Variants in APH1A observed in about 807,000 individuals in gnomAD.
APH1A encodes the protein aph-1A gamma-secretase subunit, also known as gamma-secretase subunit APH-1A.
A neutral mutation model predicts 30.3 loss-of-function variants in APH1A; 16 were observed. That is an observed-to-expected ratio of 0.53 (90% confidence interval 0.36 to 0.80). APH1A has a LOEUF of 0.80. APH1A is among the 30% of genes least tolerant of loss of function. The pLI, the probability that APH1A is intolerant of heterozygous loss-of-function variation, is 0.01. For synonymous variants in APH1A, 144 were observed against 140.1 expected (o/e 1.03, Z -0.20); for missense variants, 245 against 337.8 (o/e 0.73, Z 2.15).
chr1:150,266,793 T>C (rs1238419871), intron 5 of APH1A, 137 bp from the exon 6 acceptor site: 11 of 1,182,868 alleles, frequency 9.3e-6, no homozygotes, highest in African/African-American at 4.6e-5. Flanking sequence ...CAACATCTTG[T>C]GGTTAAGGGG....
intron 3 of APH1A, 102 bp downstream of exon 3, chr1:150,267,614 G>A (rs1651841446): frequency 6.4e-7 from 1 of 1,572,698 alleles, no homozygotes; most frequent in East Asian, 2.3e-5. Context: ...AGTGACGGAT[G>A]AAGGAAAGTA....
Position 150,267,175 on chromosome 1 carries a change from A to T in APH1A, c.509T>A (p.Leu170His). Residue 170 changes from leucine to histidine, a missense_variant, in exon 5 of 7, where the codon CTC (leucine) becomes CAC (histidine). Coordinates refer to ENST00000369109, the MANE Select transcript of APH1A (RefSeq NM_001077628.3). ...GAACACAACTCCCCAAAAGGTATGG[A>T]GCAGGATAATGGCTGCTGTCAGAAA... is the stretch of plus-strand genomic sequence containing the variant. The part of the protein sequence containing the change: ...SAFLTAAIIL[L>H]HTFWGVVFFD... 1 of 1,614,198 alleles carries T rather than the reference A, an allele frequency of 6.2e-7. No individual in the cohort carries two copies. The highest frequency in any genetic ancestry group is 8.5e-7 in the Non-Finnish European group (1 of 1,180,044).
In APH1A at chr1:150,266,134, T is replaced by C. The variant is rs1553849757; in HGVS notation, c.794A>G (p.Asp265Gly). The C allele has an allele frequency of 6.3e-7, 1 of 1,596,806 alleles. No homozygotes were observed. Among genetic ancestry groups the C allele is most frequent in the East Asian group, 2.3e-5 (1 of 44,052 alleles). Reference sequence around the variant, plus strand: ...AGGGGTCCCCCCTAGGTTCCCTCAGTCCTCGGGTGGGATGCGCAGGGCAGA... The same window carrying C: ...AGGGGTCCCCCCTAGGTTCCCTCAGCCCTCGGGTGGGATGCGCAGGGCAGA... ...VYSALRIPPE[D>G] The change falls in exon 7 of 7, where the codon GAC becomes GGC. Residue 265 changes from aspartate (D) to glycine (G), a missense_variant. Physicochemically the swap from Asp to Gly is moderately conservative, Grantham distance 94. Transcript: ENST00000369109.
chr1:150,268,988 G>A lies in APH1A; in HGVS notation c.-178C>T, dbSNP rs200984615. On this transcript the variant is annotated 5_prime_UTR_variant, in exon 1 of 7. Transcript: ENST00000369109. ...GAACCGAAACCCCAAATGAAGGTCC[G>A]CGCCACTTCCTCTACGGAAGCCGAA... 5 of 570,052 alleles carry A rather than the reference G, an allele frequency of 8.8e-6. No individual in the cohort carries two copies. Among genetic ancestry groups the A allele is most frequent in the East Asian group, 5.9e-5 (2 of 33,732 alleles). 35.3% of individuals were successfully genotyped at this position (570,052 alleles called of 1,614,324 possible). A position where few individuals can be genotyped will look rare whatever the true frequency, so the allele number is the denominator to read the frequency against.
chr1:150,266,153 G>A lies in APH1A; in HGVS notation c.775C>T (p.Leu259=). 6.2e-7 allele frequency: 1 copy of A among 1,603,428 alleles called. No individual in the cohort carries two copies. Among genetic ancestry groups the A allele is most frequent in the Non-Finnish European group, 8.5e-7 (1 of 1,175,008 alleles). The change falls in exon 7 of 7, where the codon CTG becomes TTG. Residue 259 remains leucine, a synonymous_variant. Transcript: ENST00000369109. ...CCTCAGTCCTCGGGTGGGATGCGCA[G>A]GGCAGAATACACCATCACCCGACTG... is the stretch of plus-strand genomic sequence containing the variant. ...EDSRVMVYSA[L]RIPPED
chr1:150,266,291 G>T, intron 6 of APH1A, 97 bp from the exon 7 acceptor site: 1 of 1,518,504 alleles, frequency 6.6e-7, no homozygotes, highest in East Asian at 2.5e-5. Context: ...CCAGGTGGTG[G>T]GGATAAGTGC....
At chr1:150,268,664 A>G in intron 1 of APH1A, 34 bp downstream of exon 1, 1 of 1,583,338 alleles carries the variant, frequency 6.3e-7, no homozygotes, top group Non-Finnish European at 8.6e-7. Context: ...TCTCTCTTCG[A>G]CGCTCTCCCG....
intron 1 of APH1A, 113 bp downstream of exon 1, chr1:150,268,585 C>A: frequency 9.1e-7 from 1 of 1,094,864 alleles, no homozygotes; most frequent in Admixed American, 2.4e-5. Context: ...GCCCAAACTT[C>A]ACCTCCGACT....
rs782123265 is a variant in APH1A, at chr1:150,266,110, G to A, written c.*20C>T. 6 of 1,579,682 alleles carry A rather than the reference G, an allele frequency of 3.8e-6. No homozygotes were observed. The African/African-American group carries it at 8.1e-5, about 21-fold the overall frequency. On this transcript the variant is annotated 3_prime_UTR_variant, in exon 7 of 7. Transcript: ENST00000369109. Reference sequence around the variant, plus strand: ...ACATCAGGAGGGCACCCCAGGCCCAGGGGTCCCCCCTAGGTTCCCTCAGTC... The same window carrying A: ...ACATCAGGAGGGCACCCCAGGCCCAAGGGTCCCCCCTAGGTTCCCTCAGTC...
At position 150,266,590 on chromosome 1, in the gene APH1A, G is replaced by C. The variant is rs781973711; in HGVS notation, c.676C>G (p.Leu226Val). Residue 226 changes from leucine (L) to valine (V), a missense_variant, in exon 6 of 7, where the codon CTC becomes GTC. By Grantham distance (32) the Leu-to-Val change is conservative. Transcript: ENST00000369109. ...PIYAVTVSMG[L>V]WAFITAGGSL... ...CCTCCAGCTGTGATGAAGGCCCAGA[G>C]CCCCATGGAAACAGTGACTGCATAG... 1.2e-6 allele frequency: 2 copies of C among 1,614,092 alleles called. No individual in the cohort carries two copies. The highest frequency in any genetic ancestry group is 4.5e-5 in the East Asian group (2 of 44,876).
intron 6 of APH1A, 47 bp downstream of exon 6, chr1:150,266,486 G>A (rs1429624358): frequency 6.2e-7 from 1 of 1,612,560 alleles, no homozygotes; most frequent in Non-Finnish European, 8.5e-7. Context: ...GCAGTGGACA[G>A]GCAGGTGGGA....
intron 5 of APH1A, 129 bp from the exon 6 acceptor site, chr1:150,266,785 A>T (rs753412191): frequency 4.2e-5 from 51 of 1,226,830 alleles, no homozygotes; most frequent in Non-Finnish European, 5.6e-5. Context: ...CAGAGCACCA[A>T]CATCTTGTGG....
chr1:150,267,288 A>G, intron 4 of APH1A, 68 bp downstream of exon 4: 7 of 1,612,056 alleles, frequency 4.3e-6, no homozygotes, highest in Non-Finnish European at 5.9e-6. Context: ...CTCTCAGGGA[A>G]GGCCAATAAA....
rs1219359843 is a variant in APH1A at position 150,268,685 on chromosome 1, G to A, written c.113+13C>T. On this transcript the variant is annotated intron_variant, in intron 1 of 6. Transcript: ENST00000369109. The stretch of plus-strand genomic sequence containing the variant: ...TTCGACGCTCTCCCGCGTCTCCCGG[G>A]CCCTCTACTCACCCTGCGACCAGGA... The A allele has an allele frequency of 3.7e-6, 6 of 1,604,674 alleles. No individual in the cohort carries two copies. In the African/African-American group the frequency reaches 5.3e-5, roughly 14 times the overall value.
chr1:150,268,421 G>T, intron 1 of APH1A: 1 of 585,476 alleles, frequency 1.7e-6, no homozygotes, highest in Non-Finnish European at 3.0e-6. Context: ...ACCTGACTCG[G>T]CCTGCCTAGG....
intron 5 of APH1A, 176 bp downstream of exon 5, chr1:150,266,899 T>G: frequency 3.5e-6 from 4 of 1,156,342 alleles, no homozygotes; most frequent in Non-Finnish European, 4.8e-6. Flanking sequence ...CCTTTCAACC[T>G]CCTCCCCAGA....
Position 150,266,210 on chromosome 1 carries a change from G to A in APH1A, c.734-16C>T, listed in dbSNP as rs1553849800. ...TGCCGTCGGCCTGCAGAGGGGAAGG[G>A]AGGTGAGTCTTGGGCAGGGTGAGAG... On this transcript the variant is annotated splice_polypyrimidine_tract_variant and intron_variant, in intron 6 of 6. Transcript: ENST00000369109. 1.9e-6 allele frequency: 3 copies of A among 1,592,256 alleles called. No individual in the cohort carries two copies. In the South Asian group the frequency reaches 3.4e-5, roughly 18 times the overall value.
chr1:150,268,604 C>T (rs2101855001), intron 1 of APH1A, 94 bp downstream of exon 1: 1 of 1,277,604 alleles, frequency 7.8e-7, no homozygotes, highest in East Asian at 2.5e-5. Context: ...CTTATCGTCC[C>T]CAATTCAGGC....
At chr1:150,266,887 A>C in intron 5 of APH1A, 188 bp downstream of exon 5, 2 of 1,111,778 alleles carry the variant, frequency 1.8e-6, no homozygotes, top group South Asian at 1.6e-5. Context: ...AGTTTGACTA[A>C]TCCTTTCAAC....
Sources: gnomAD v4.1 joint callset for allele counts on GRCh38, gnomAD v4.1.1 for gene constraint, MANE v1.5 for transcripts, NCBI Gene and HGNC (gene_info 2026-07-23, HGNC 2026-07-21) for gene names.